The following JARID2 variants were observed in gnomAD, a reference collection of about 807,000 sequenced individuals.
JARID2 encodes jumonji and AT-rich interaction domain containing 2, also known as protein Jumonji.
In JARID2, 21 loss-of-function variants were observed where a neutral mutation model predicts 125.6. The ratio of observed to expected loss-of-function variants is 0.17; its 90% confidence interval spans 0.12 to 0.24. JARID2 has a LOEUF of 0.24. Among genes scored for constraint, JARID2 ranks in the 10% least tolerant of loss-of-function variants. The pLI, the probability that JARID2 is intolerant of heterozygous loss-of-function variation, is 1.00. For synonymous variants in JARID2, 736 were observed against 661.6 expected (o/e 1.11, Z -1.73); for missense variants, 1,303 against 1,639.6 (o/e 0.79, Z 3.55).
At chr6:15,436,954 C>G (rs544634858) in intron 3 of JARID2, among the ~76,000 whole-genome samples, 1 of 152,208 alleles carries the variant, frequency 6.6e-6, no homozygotes, top group Admixed American at 6.5e-5. Context: ...ATAGGTCTTG[C>G]ACTTCTGGAG....
intron 1 of JARID2, among the ~76,000 whole-genome samples, chr6:15,346,804 C>T (rs552445642): frequency 6.7e-5 from 10 of 149,816 alleles, no homozygotes; most frequent in South Asian, 2.1e-4. Flanking sequence ...GGTGTGATCT[C>T]GGTTCACTGC....
intron 1 of JARID2, among the ~76,000 whole-genome samples, chr6:15,297,605 CA>C (rs1761461431): frequency 6.6e-6 from 1 of 151,878 alleles, no homozygotes; most frequent in South Asian, 2.1e-4. Flanking sequence ...CCTCCCAAAG[CA>C]CTGGGATTTA....
chr6:15,296,522 T>G (rs1761421492), intron 1 of JARID2, among the ~76,000 whole-genome samples: 1 of 152,230 alleles, frequency 6.6e-6, no homozygotes, highest in African/African-American at 2.4e-5. Context: ...CAGTATTCTC[T>G]CTCCCTTATC....
At chr6:15,405,290 G>A (rs1050371572) in intron 2 of JARID2, among the ~76,000 whole-genome samples, 4 of 152,186 alleles carry the variant, frequency 2.6e-5, no homozygotes. Context: ...GGGAGATGCG[G>A]TGAAAAGCTC....
chr6:15,450,530 G>T (rs1346029435), intron 3 of JARID2, among the ~76,000 whole-genome samples: 1 of 152,162 alleles, frequency 6.6e-6, no homozygotes, highest in Non-Finnish European at 1.5e-5. Context: ...CCTACGTAGT[G>T]TTTGGGATTC....
chr6:15,424,208 T>C (rs1360047849), intron 3 of JARID2, among the ~76,000 whole-genome samples: 2 of 151,300 alleles, frequency 1.3e-5, no homozygotes, highest in African/African-American at 4.9e-5. Context: ...CCTCAAGTGA[T>C]CCTCCTGCCT....
rs140249835 is a variant in JARID2 at position 15,439,542 on chromosome 6, T to C, written c.324-12464T>C. Reference sequence around the variant, plus strand: ...GAAGGAGGCTGACCTTGTGGCTTTATCATTTCCTGTCTACAGACAAGGAAA... The same window carrying C: ...GAAGGAGGCTGACCTTGTGGCTTTACCATTTCCTGTCTACAGACAAGGAAA... On this transcript the variant is annotated intron_variant, in intron 3 of 17. Transcript: ENST00000341776. Among the ~76,000 whole-genome samples the C allele has an allele frequency of 1.4e-3, 220 of 152,318 alleles. No individual in the cohort carries two copies. The Middle Eastern group carries it at 0.02, about 14-fold the overall frequency.
At chr6:15,316,000 G>A (rs765003881) in intron 1 of JARID2, among the ~76,000 whole-genome samples, 7 of 151,940 alleles carry the variant, frequency 4.6e-5, no homozygotes, top group East Asian at 1.9e-4. Flanking sequence ...CAGTTTACAC[G>A]AGTCCTGCTT....
chr6:15,325,283 T>C (rs1173113059), intron 1 of JARID2, among the ~76,000 whole-genome samples: 3 of 152,216 alleles, frequency 2.0e-5, no homozygotes, highest in Non-Finnish European at 4.4e-5. Context: ...CCTGTGTGTG[T>C]GCACACACAC....
intron 3 of JARID2, among the ~76,000 whole-genome samples, chr6:15,422,267 T>C (rs537269205): frequency 6.6e-6 from 1 of 152,330 alleles, no homozygotes; most frequent in South Asian, 2.1e-4. Context: ...TTTTCTTTAC[T>C]TTTCCTGCAG....
Position 15,496,261 on chromosome 6 carries a change from G to A in JARID2, c.1036G>A (p.Ala346Thr). 6.2e-7 allele frequency: 1 copy of A among 1,614,156 alleles called. No homozygotes were observed. The highest frequency in any genetic ancestry group is 1.1e-5 in the South Asian group (1 of 91,080). The change falls in exon 7 of 18, where the codon GCT becomes ACT. Residue 346 changes from alanine (A) to threonine (T), a missense_variant. Ala to Thr is a moderately conservative substitution (Grantham distance 58). This residue lies in a region of JARID2 where 651 missense variants were observed against 581.6 expected (regional missense o/e 1.12). Coordinates refer to ENST00000341776, the MANE Select transcript of JARID2 (RefSeq NM_004973.4). ...GTACACTGCCACGGTGACGAAGGGGGCTGTCACATACACCAAAGCCAAGAG... is the reference window on the plus strand; with the variant it reads ...GTACACTGCCACGGTGACGAAGGGGACTGTCACATACACCAAAGCCAAGAG... Reference protein sequence around the residue: ...VKYTATVTKGAVTYTKAKREL... With the variant: ...VKYTATVTKGTVTYTKAKREL...
chr6:15,411,380 A>G (rs962182472), intron 3 of JARID2, among the ~76,000 whole-genome samples: 1 of 152,212 alleles, frequency 6.6e-6, no homozygotes, highest in African/African-American at 2.4e-5. Context: ...GCATAGCTCA[A>G]AGTCTTTATT....
At chr6:15,272,163 AAC>A (rs1760323292) in intron 1 of JARID2, among the ~76,000 whole-genome samples, 1 of 152,216 alleles carries the variant, frequency 6.6e-6, no homozygotes, top group East Asian at 1.9e-4. Context: ...AAAAAACAAA[AAC>A]AGTGATGCAA....
intron 4 of JARID2, among the ~76,000 whole-genome samples, chr6:15,461,085 C>T (rs770686009): frequency 7.2e-5 from 11 of 152,312 alleles, no homozygotes; most frequent in Non-Finnish European, 1.0e-4. Flanking sequence ...ATGGCTGCTG[C>T]TATGTGGTAT....
At chr6:15,369,166 T>TGAGTG (rs1278071668) in intron 1 of JARID2, 18 of 265,184 alleles carry the variant, frequency 6.8e-5, no homozygotes, top group African/African-American at 3.7e-4. Flanking sequence ...CTTGGAACAG[T>TGAGTG]GAGTGGTTCT....
chr6:15,493,303 T>C (rs1770247322), intron 6 of JARID2, among the ~76,000 whole-genome samples: 2 of 152,114 alleles, frequency 1.3e-5, no homozygotes, highest in South Asian at 4.2e-4. Context: ...TAGCACAGAA[T>C]CTAGAGGGAA....
At chr6:15,453,154 G>C (rs1284262063) in intron 4 of JARID2, among the ~76,000 whole-genome samples, 1 of 152,078 alleles carries the variant, frequency 6.6e-6, no homozygotes, top group Admixed American at 6.6e-5. Flanking sequence ...GTGATACGTG[G>C]CCCCCATGCA....
At chr6:15,313,155 TC>T (rs1458082199) in intron 1 of JARID2, among the ~76,000 whole-genome samples, 2 of 152,170 alleles carry the variant, frequency 1.3e-5, no homozygotes, top group African/African-American at 4.8e-5. Context: ...GTCCTCTGCT[TC>T]CTGATCTCCT....
chr6:15,247,459 AGG>A, intron 1 of JARID2: 1 of 981,574 alleles, frequency 1.0e-6, no homozygotes, highest in Non-Finnish European at 1.2e-6. Flanking sequence ...GAGGGAGGAA[AGG>A]GGGACCGAGG....
Sources: gnomAD v4.1 joint callset for allele counts (sites outside exome capture counted in the v4.1 genomes callset) on GRCh38, gnomAD v4.1.1 for gene constraint, gnomAD v4.1.1 regional missense constraint, MANE v1.5 for transcripts, NCBI Gene and HGNC (gene_info 2026-07-23, HGNC 2026-07-21) for gene names.